Variants in TNNI3 observed in about 807,000 individuals in gnomAD.
TNNI3 encodes the protein troponin I, cardiac muscle.
Under a neutral mutation model 31.5 loss-of-function variants are expected in TNNI3, and 23 were observed. The observed-to-expected ratio is 0.73, with a 90% confidence interval of 0.52 to 1.03. The LOEUF is 1.03. Ranked by LOEUF, TNNI3 falls within the 50% of genes least tolerant of loss-of-function variation. TNNI3 has a pLI of 0.00. For missense variants in TNNI3, 236 were observed against 282.9 expected (o/e 0.83, Z 1.19); for synonymous variants, 120 against 111.7 (o/e 1.07, Z -0.47).
In TNNI3 at chr19:55,157,166, C is replaced by G. The variant is rs374883486; in HGVS notation, c.25-33G>C. ...AGGAGGAGTGGGGACCCCATCACCA[C>G]CAAGACCCCACCCAGCCCTTACCGT... is the stretch of plus-strand genomic sequence containing the variant. On this transcript the variant is annotated intron_variant, in intron 2 of 7. Transcript: ENST00000344887. This position sits in a 1 kb window ranked among gnomAD's most constrained non-coding sequence, Gnocchi z 6.3. 18 of 1,590,380 alleles carry G rather than the reference C, an allele frequency of 1.1e-5. No individual in the cohort carries two copies. The highest frequency in any genetic ancestry group is 1.1e-4 in the African/African-American group (8 of 74,856).
Position 55,156,388 on chromosome 19 carries a change from G to A in TNNI3, c.151-56C>T. 1 of 1,578,834 alleles carries A rather than the reference G, an allele frequency of 6.3e-7. No homozygotes were observed. Among genetic ancestry groups the A allele is most frequent in the Non-Finnish European group, 8.6e-7 (1 of 1,162,218 alleles). The stretch of plus-strand genomic sequence containing the variant: ...ACCCGGGGCTTCAGGATAAAGACCA[G>A]GCGTGGGGAACCGCCTCTGCCCTTC... On this transcript the variant is annotated intron_variant, in intron 4 of 7. Coordinates refer to ENST00000344887, the MANE Select transcript of TNNI3 (RefSeq NM_000363.5). The surrounding 1 kb of genome is among the most constrained non-coding windows in gnomAD (Gnocchi z 4.6).
chr19:55,156,901 C>T lies in TNNI3; in HGVS notation c.108+149G>A. ...AGTTCCGCCCGCAGGCTGCTGTCAC[C>T]AATCCGAGCATGACCCTCTGCAAAA... On this transcript the variant is annotated intron_variant, in intron 3 of 7. Coordinates refer to ENST00000344887, the MANE Select transcript of TNNI3 (RefSeq NM_000363.5). This position sits in a 1 kb window ranked among gnomAD's most constrained non-coding sequence, Gnocchi z 4.6. 1.0e-6 allele frequency: 1 copy of T among 998,582 alleles called. No individual in the cohort carries two copies. Among genetic ancestry groups the T allele is most frequent in the Middle Eastern group, 3.0e-4 (1 of 3,302 alleles). 61.9% of individuals were successfully genotyped at this position (998,582 alleles called of 1,614,324 possible). A position where few individuals can be genotyped will look rare whatever the true frequency, so the allele number is the denominator to read the frequency against.
chr19:55,154,626 T>A (rs1007350495), intron 6 of TNNI3, 115 bp downstream of exon 6: 1 of 882,912 alleles, frequency 1.1e-6, no homozygotes, highest in African/African-American at 1.7e-5. Flanking sequence ...GGCTCACAGT[T>A]GTCCTGGGTC....
In TNNI3 at chr19:55,156,881, C is replaced by T. The variant is rs1423167619; in HGVS notation, c.108+169G>A. 2 of 915,100 alleles carry T rather than the reference C, an allele frequency of 2.2e-6. No individual in the cohort carries two copies. Among genetic ancestry groups the T allele is most frequent in the African/African-American group, 1.6e-5 (1 of 60,926 alleles). 56.7% of individuals were successfully genotyped at this position (915,100 alleles called of 1,614,324 possible). On this transcript the variant is annotated intron_variant, in intron 3 of 7. Coordinates refer to ENST00000344887, the MANE Select transcript of TNNI3 (RefSeq NM_000363.5). This position sits in a 1 kb window ranked among gnomAD's most constrained non-coding sequence, Gnocchi z 4.6. ...AGCAAGTCCGAGGGCAACGGAGTTC[C>T]GCCCGCAGGCTGCTGTCACCAATCC...
Position 55,156,278 on chromosome 19 carries a change from GC to G in TNNI3, c.204del (p.Arg69AlafsTer8), listed in dbSNP as rs727504872. 27 of 1,610,834 alleles carry G rather than the reference GC, an allele frequency of 1.7e-5. No individual in the cohort carries two copies. Among genetic ancestry groups the G allele is most frequent in the Admixed American group, 1.0e-4 (6 of 59,784 alleles). The stretch of plus-strand genomic sequence containing the variant: ...CTCAGAGCGCGCCCCTTCTCTCCGC[GC>G]CGCTCCTCCGCCTCTCGCTCCAGCT... Reference protein sequence around the residue: ...KQELEREAEERRGEKGRALST... With the variant: ...KQELEREAEEXRGEKGRALST... On this transcript the variant is annotated frameshift_variant, in exon 5 of 8. Coordinates refer to ENST00000344887, the MANE Select transcript of TNNI3 (RefSeq NM_000363.5). LOFTEE classifies it high-confidence loss of function. This position sits in a 1 kb window ranked among gnomAD's most constrained non-coding sequence, Gnocchi z 4.6.
Position 55,154,196 on chromosome 19 carries a change from A to G in TNNI3, c.383T>C (p.Leu128Pro). 1 of 1,612,320 alleles carries G rather than the reference A, an allele frequency of 6.2e-7. No homozygotes were observed. The change falls in exon 7 of 8, where the codon CTG becomes CCG. Residue 128 changes from leucine (L) to proline (P), a missense_variant. This residue lies in a region of TNNI3 where 172 missense variants were observed against 171.8 expected (regional missense o/e 1.00). Transcript: ENST00000344887. ...VTKNITEIAD[L>P]TQKIFDLRGK... The stretch of plus-strand genomic sequence containing the variant: ...TCGAAGGTCAAAGATCTTCTGAGTC[A>G]GATCTGCAATCTGGGGGCACACGAG...
rs754732148 is a variant in TNNI3, at chr19:55,156,167, G to C, written c.282+34C>G. The C allele has an allele frequency of 6.2e-7, 1 of 1,612,592 alleles. No individual in the cohort carries two copies. Among genetic ancestry groups the C allele is most frequent in the Admixed American group, 1.7e-5 (1 of 59,990 alleles). On this transcript the variant is annotated intron_variant, in intron 5 of 7. Transcript: ENST00000344887. The surrounding 1 kb of genome is among the most constrained non-coding windows in gnomAD (Gnocchi z 4.6). ...ATAGAGGCTGTACTGCTGAATTCCG[G>C]GACTAGAAACCTCGCATCCTTGGGA...
At chr19:55,154,507 C>G in intron 6 of TNNI3, 4 of 630,242 alleles carry the variant, frequency 6.3e-6, no homozygotes, top group Non-Finnish European at 1.1e-5. Flanking sequence ...AGCATGTTCA[C>G]TAACTTATTT....
rs2085702301 is a variant in TNNI3, at chr19:55,152,757, C to T, written c.550-840G>A. Among the ~76,000 whole-genome samples the T allele has an allele frequency of 6.6e-6, 1 of 152,170 alleles. No homozygotes were observed. Among genetic ancestry groups the T allele is most frequent in the African/African-American group, 2.4e-5 (1 of 41,446 alleles). The stretch of plus-strand genomic sequence containing the variant: ...CCTCTCACCTCAGACTCCTGAGGAG[C>T]TGGGACCACAGGTGTGTGCCACCAT... On this transcript the variant is annotated intron_variant, in intron 7 of 7. Transcript: ENST00000344887. This position sits in a 1 kb window ranked among gnomAD's most constrained non-coding sequence, Gnocchi z 4.0.
rs59293590 is a variant in TNNI3 at position 55,155,226 on chromosome 19, G to A, written c.283-396C>T. Among the ~76,000 whole-genome samples the A allele has an allele frequency of 6.6e-3, 379 of 57,068 alleles. 5 individuals are homozygous for A. The highest frequency in any genetic ancestry group is 0.019 in the South Asian group (21 of 1,080). The allele number at this position is 57,068 out of a possible 152,430, so 37.4% of individuals were successfully genotyped here. On this transcript the variant is annotated intron_variant, in intron 5 of 7. Transcript: ENST00000344887. ...GAGGGGCTGGGGACTGGACTCCTGGGTCTGAGGGAGGAGGGGCTGGGGCCT... is the reference window on the plus strand; with the variant it reads ...GAGGGGCTGGGGACTGGACTCCTGGATCTGAGGGAGGAGGGGCTGGGGCCT...
Position 55,151,889 on chromosome 19 carries a change from T to C in TNNI3, c.578A>G (p.Lys193Arg). 1 of 1,614,130 alleles carries C rather than the reference T, an allele frequency of 6.2e-7. No homozygotes were observed. The highest frequency in any genetic ancestry group is 8.5e-7 in the Non-Finnish European group (1 of 1,179,978). Residue 193 changes from lysine to arginine, a missense_variant, in exon 8 of 8, where the codon AAG becomes AGG. By Grantham distance (26) the Lys-to-Arg change is conservative. This residue lies in a region of TNNI3 where 28 missense variants were observed against 36.2 expected (regional missense o/e 0.77). Transcript: ENST00000344887. ...CATTCCACTCAGTGCATCGATGTTC[T>C]TGCGCCAGTCTCCCACCTCCCGGTT... is the stretch of plus-strand genomic sequence containing the variant. Reference protein sequence around the residue: ...KENREVGDWRKNIDALSGMEG... With the variant: ...KENREVGDWRRNIDALSGMEG...
At position 55,157,012 on chromosome 19, in the gene TNNI3, C is replaced by T. The variant is rs1421410759; in HGVS notation, c.108+38G>A. The T allele has an allele frequency of 4.5e-6, 7 of 1,552,484 alleles. No homozygotes were observed. The Middle Eastern group carries it at 8.6e-4, about 191-fold the overall frequency. The stretch of plus-strand genomic sequence containing the variant: ...CCACTCCCAGGGTCTTGGATCCCTC[C>T]GGCGCCTGTACTCTGCCCCCAGGAA... On this transcript the variant is annotated intron_variant, in intron 3 of 7. Transcript: ENST00000344887. This position sits in a 1 kb window ranked among gnomAD's most constrained non-coding sequence, Gnocchi z 6.3.
In TNNI3 at chr19:55,156,267, C is replaced by CT. The variant is rs1486009166; in HGVS notation, c.215dup (p.Arg74AlafsTer36). 5.0e-6 allele frequency: 8 copies of CT among 1,611,882 alleles called. No homozygotes were observed. The highest frequency in any genetic ancestry group is 6.8e-6 in the Non-Finnish European group (8 of 1,179,620). On this transcript the variant is annotated frameshift_variant, in exon 5 of 8. Coordinates refer to ENST00000344887, the MANE Select transcript of TNNI3 (RefSeq NM_000363.5). LOFTEE classifies it high-confidence loss of function. This position sits in a 1 kb window ranked among gnomAD's most constrained non-coding sequence, Gnocchi z 4.6. ...GGCAGCGGGTGCTCAGAGCGCGCCC[C>CT]TTCTCTCCGCGCCGCTCCTCCGCCT...
chr19:55,151,959 G>A (rs749003695), intron 7 of TNNI3, 42 bp from the exon 8 acceptor site: 2 of 1,576,418 alleles, frequency 1.3e-6, no homozygotes, highest in Admixed American at 3.4e-5. Flanking sequence ...TCTCTTCTTG[G>A]TCTCCAGTCT....
Position 55,152,098 on chromosome 19 carries a change from T to TCCCTCATGCACTTCCTGTCC in TNNI3, c.550-201_550-182dup, listed in dbSNP as rs1020677653. On this transcript the variant is annotated intron_variant, in intron 7 of 7. Coordinates refer to ENST00000344887, the MANE Select transcript of TNNI3 (RefSeq NM_000363.5). This position sits in a 1 kb window ranked among gnomAD's most constrained non-coding sequence, Gnocchi z 4.0. ...CAATTTTCCCCATGCACTTCCTGTC[T>TCCCTCATGCACTTCCTGTCC]CCCTCATGCACTTCCTGTCCCCCTC... is the stretch of plus-strand genomic sequence containing the variant. 2.0e-5 allele frequency among the ~76,000 whole-genome samples: 3 copies of TCCCTCATGCACTTCCTGTCC among 152,046 alleles called. No homozygotes were observed. The highest frequency in any genetic ancestry group is 1.9e-4 in the East Asian group (1 of 5,198).
rs758827138 is a variant in TNNI3 at position 55,154,060 on chromosome 19, G to A, written c.519C>T (p.Leu173=). Residue 173 remains leucine (L), a synonymous_variant, in exon 7 of 8, where the codon CTC becomes CTT. Coordinates refer to ENST00000344887, the MANE Select transcript of TNNI3 (RefSeq NM_000363.5). ...CGGTGTCCTCCTTCTTCACCTGCTT[G>A]AGGTGGGCCCGCAGGTCCAGGGACT... The part of the protein sequence containing the change: ...AKESLDLRAH[L]KQVKKEDTEK... 2 of 1,612,392 alleles carry A rather than the reference G, an allele frequency of 1.2e-6. No homozygotes were observed. Among genetic ancestry groups the A allele is most frequent in the Admixed American group, 1.7e-5 (1 of 59,982 alleles).
intron 5 of TNNI3, among the ~76,000 whole-genome samples, chr19:55,155,858 T>TG (rs1348741864): frequency 1.1e-5 from 1 of 87,058 alleles, no homozygotes; most frequent in Admixed American, 1.4e-4. Flanking sequence ...GAGGAGGGGC[T>TG]GGGGCCTGGA....
chr19:55,153,171 A>T (rs2085704357), intron 7 of TNNI3, among the ~76,000 whole-genome samples: 1 of 152,030 alleles, frequency 6.6e-6, no homozygotes, highest in African/African-American at 2.4e-5. Flanking sequence ...AGCTCAAGCA[A>T]TCTGCCTGCC....
chr19:55,154,911 C>G, intron 5 of TNNI3, 81 bp from the exon 6 acceptor site: 1 of 1,271,228 alleles, frequency 7.9e-7, no homozygotes, highest in Non-Finnish European at 1.1e-6. Flanking sequence ...GGAGAAGGGG[C>G]TCGGGGCCTG....
Sources: allele counts gnomAD v4.1 joint callset (sites outside exome capture counted in the v4.1 genomes callset), GRCh38; gene constraint gnomAD v4.1.1; regional missense constraint gnomAD v4.1.1; non-coding constraint Gnocchi (gnomAD v3.1); transcripts MANE v1.5; gene names NCBI Gene and HGNC (gene_info 2026-07-23, HGNC 2026-07-21).